SOX5: variants seen among roughly 807,000 people sequenced by gnomAD.
The protein encoded by SOX5 is transcription factor SOX-5.
SOX5 carries 9 observed loss-of-function variants against 92.0 expected under a neutral mutation model. That is an observed-to-expected ratio of 0.10 (90% CI 0.06 to 0.17). SOX5 has a LOEUF of 0.17. Among genes scored for constraint, SOX5 ranks in the 10% least tolerant of loss-of-function variants. The probability of loss-of-function intolerance (pLI) is 1.00; values close to 1 mark genes in which losing one functional copy is unlikely to be tolerated. For synonymous variants in SOX5, 344 were observed against 336.3 expected, an observed-to-expected ratio of 1.02 and a Z score of -0.25; for missense variants, 642 against 944.5, an observed-to-expected ratio of 0.68 and a Z score of 4.20.
chr12:23,925,396 C>T (rs530682457), intron 1 of SOX5, among the ~76,000 whole-genome samples: 6 of 152,048 alleles, frequency 3.9e-5, no homozygotes, highest in South Asian at 2.1e-4. Context: ...ATAGCTGGTC[C>T]GTGACATCAA....
chr12:23,694,684 G>C (rs574735107), intron 6 of SOX5, among the ~76,000 whole-genome samples: 166 of 152,192 alleles, frequency 1.1e-3, no homozygotes, highest in African/African-American at 4.0e-3. Flanking sequence ...TACTCATTTT[G>C]AAGTAATTCC....
intron 3 of SOX5, among the ~76,000 whole-genome samples, chr12:23,759,858 A>G (rs191306646): frequency 9.9e-5 from 15 of 152,150 alleles, no homozygotes; most frequent in Admixed American, 8.5e-4. Context: ...GCACAAGCAT[A>G]GAATCGTATT....
intron 4 of SOX5, among the ~76,000 whole-genome samples, chr12:24,135,465 T>C (rs1950030262): frequency 6.6e-6 from 1 of 152,218 alleles, no homozygotes; most frequent in Non-Finnish European, 1.5e-5. Context: ...TTTAGCTGAT[T>C]AGCCTTTTAC....
intron 4 of SOX5, among the ~76,000 whole-genome samples, chr12:23,744,820 A>C (rs1243783278): frequency 6.6e-6 from 1 of 152,150 alleles, no homozygotes; most frequent in Non-Finnish European, 1.5e-5. Context: ...GGTGGTTTAA[A>C]AGACAGAAAT....
intron 4 of SOX5, among the ~76,000 whole-genome samples, chr12:24,096,289 AC>A (rs1945407471): frequency 1.3e-5 from 2 of 152,100 alleles, no homozygotes; most frequent in African/African-American, 4.8e-5. Flanking sequence ...TTTAATTCTT[AC>A]TGTGGTAAAA....
intron 1 of SOX5, among the ~76,000 whole-genome samples, chr12:24,524,242 T>C (rs1950497090): frequency 6.6e-6 from 1 of 152,212 alleles, no homozygotes; most frequent in Non-Finnish European, 1.5e-5. Flanking sequence ...GACTAAGCCA[T>C]GCTACCAGCA....
At position 23,616,840 on chromosome 12, in the gene SOX5, C is replaced by A. The variant is rs547749106; in HGVS notation, c.1018-12307G>T. Among the ~76,000 whole-genome samples the A allele has an allele frequency of 7.9e-5, 12 of 152,280 alleles. No homozygotes were observed. In the South Asian group the frequency reaches 2.5e-3, roughly 32 times the overall value. On this transcript the variant is annotated intron_variant, in intron 8 of 14. Transcript: ENST00000451604. Reference sequence around the variant, plus strand: ...AGTTGGTATCACCAGAGGTTAGTGACTGTCTGCTGAGGCTCAAGCCTGTAA... The same window carrying A: ...AGTTGGTATCACCAGAGGTTAGTGAATGTCTGCTGAGGCTCAAGCCTGTAA...
chr12:24,160,483 G>C (rs1324550553), intron 4 of SOX5, among the ~76,000 whole-genome samples: 1 of 151,838 alleles, frequency 6.6e-6, no homozygotes, highest in African/African-American at 2.4e-5. Context: ...TCAATGAAGT[G>C]ACAGAATCAA....
intron 1 of SOX5, among the ~76,000 whole-genome samples, chr12:24,383,946 A>G (rs1352041012): frequency 6.6e-6 from 1 of 152,150 alleles, no homozygotes; most frequent in Admixed American, 6.5e-5. Context: ...AGGGGCAGTT[A>G]TCTTCATGCT....
intron 4 of SOX5, among the ~76,000 whole-genome samples, chr12:24,111,273 T>G (rs1156745568): frequency 2.0e-5 from 3 of 152,138 alleles, no homozygotes; most frequent in Non-Finnish European, 4.4e-5. Context: ...TCTTACACAT[T>G]ACCTAACACC....
At chr12:23,690,341 T>C (rs957361599) in intron 6 of SOX5, among the ~76,000 whole-genome samples, 5 of 152,094 alleles carry the variant, frequency 3.3e-5, no homozygotes, top group African/African-American at 1.2e-4. Context: ...CACCTTTCCA[T>C]GTAACACATA....
intron 14 of SOX5, among the ~76,000 whole-genome samples, 182 bp from the exon 15 acceptor site, chr12:23,534,704 CTTTTTTT>C (rs60460683): frequency 9.2e-6 from 1 of 108,830 alleles, no homozygotes; most frequent in Non-Finnish European, 1.9e-5. Context: ...CTTTTCTTTT[CTTTTTTT>C]TTTTTTTTTT....
At chr12:23,709,923 T>C (rs2091870613) in intron 6 of SOX5, among the ~76,000 whole-genome samples, 1 of 152,208 alleles carries the variant, frequency 6.6e-6, no homozygotes, top group South Asian at 2.1e-4. Flanking sequence ...TAATTTTAAA[T>C]GGAACTTCTG....
At chr12:24,370,752 A>G (rs1447697288) in intron 1 of SOX5, among the ~76,000 whole-genome samples, 2 of 152,208 alleles carry the variant, frequency 1.3e-5, no homozygotes, top group Non-Finnish European at 2.9e-5. Context: ...AGATCGTGCC[A>G]TTGTACTCCA....
intron 3 of SOX5, among the ~76,000 whole-genome samples, chr12:24,231,221 T>A (rs1156940875): frequency 6.6e-6 from 1 of 152,176 alleles, no homozygotes; most frequent in Non-Finnish European, 1.5e-5. Context: ...TATGACCACA[T>A]TAGAATTATT....
intron 3 of SOX5, among the ~76,000 whole-genome samples, chr12:23,797,449 G>T (rs1567841851): frequency 6.6e-6 from 1 of 151,758 alleles, no homozygotes; most frequent in South Asian, 2.1e-4. Flanking sequence ...TGAGTTTTTG[G>T]CTATAAATAA....
chr12:24,386,300 G>A (rs754285446), intron 1 of SOX5, among the ~76,000 whole-genome samples: 4 of 152,000 alleles, frequency 2.6e-5, no homozygotes, highest in African/African-American at 4.8e-5. Flanking sequence ...TTATCATCAC[G>A]TCATCACTAT....
At chr12:24,448,065 C>T (rs1941747660) in intron 1 of SOX5, among the ~76,000 whole-genome samples, 1 of 152,070 alleles carries the variant, frequency 6.6e-6, no homozygotes, top group South Asian at 2.1e-4. Context: ...GCCTGTAGTC[C>T]CAGCTACTTG....
At chr12:24,235,722 T>C (rs1964349128) in intron 3 of SOX5, among the ~76,000 whole-genome samples, 1 of 152,250 alleles carries the variant, frequency 6.6e-6, no homozygotes, top group African/African-American at 2.4e-5. Flanking sequence ...TACTTAAGTC[T>C]CATCTATCTC....
Sources: allele counts gnomAD v4.1 joint callset (sites outside exome capture counted in the v4.1 genomes callset), GRCh38; gene constraint gnomAD v4.1.1; transcripts MANE v1.5; gene names NCBI Gene and HGNC (gene_info 2026-07-23, HGNC 2026-07-21).